Variants in ACADL observed in about 807,000 individuals in gnomAD.
The protein encoded by ACADL is acyl-CoA dehydrogenase long chain.
A neutral mutation model predicts 56.9 loss-of-function variants in ACADL; 60 were observed. That is an observed-to-expected ratio of 1.05 (90% CI 0.86 to 1.31). The LOEUF is 1.31. Ranked by LOEUF, ACADL falls within the 50% of genes most tolerant of loss-of-function variation. ACADL has a pLI of 0.00. For synonymous variants in ACADL, 158 were observed against 179.7 expected, an observed-to-expected ratio of 0.88 and a Z score of 0.97; for missense variants, 484 against 525.5, an observed-to-expected ratio of 0.92 and a Z score of 0.77.
chr2:210,203,399 T>A lies in ACADL; in HGVS notation c.916A>T (p.Met306Leu). 1 of 1,613,610 alleles carries A rather than the reference T, an allele frequency of 6.2e-7. No individual in the cohort carries two copies. The highest frequency in any genetic ancestry group is 1.3e-5 in the African/African-American group (1 of 75,048). Residue 306 changes from methionine to leucine, a missense_variant, in exon 8 of 11, where the codon ATG (methionine) becomes TTG (leucine). Met to Leu is a conservative substitution (Grantham distance 15, BLOSUM62 2). Transcript: ENST00000233710. The part of the protein sequence containing the change: ...ADVAISASEF[M>L]FEETRNYVKQ... ...ACATAGTTCCTGGTTTCTTCAAACA[T>A]GAATTCACTAGCTGAAATTGCCACA...
intron 4 of ACADL, among the ~76,000 whole-genome samples, chr2:210,212,262 G>A (rs1183650793): frequency 6.6e-6 from 1 of 152,076 alleles, no homozygotes; most frequent in Admixed American, 6.6e-5. Context: ...ATTAATTTAA[G>A]GATGTTGTGA....
At position 210,217,973 on chromosome 2, in the gene ACADL, C is replaced by A. The variant is rs71528507; in HGVS notation, c.363G>T (p.Trp121Cys). 2.5e-6 allele frequency: 4 copies of A among 1,613,862 alleles called. No homozygotes were observed. Among genetic ancestry groups the A allele is most frequent in the Non-Finnish European group, 3.4e-6 (4 of 1,179,976 alleles). Reference sequence around the variant, plus strand: ...AAAGTCTCCATACTTACTGCTCCTCCCAGACAATAGCTGCGGAGTACAGAT... The same window carrying A: ...AAAGTCTCCATACTTACTGCTCCTCACAGACAATAGCTGCGGAGTACAGAT... ...GGDLYSAAIV[W>C]EEQAYSNCSG... Residue 121 changes from tryptophan to cysteine, a missense_variant, in exon 3 of 11, where the codon TGG becomes TGT. Trp to Cys is a radical substitution (Grantham distance 215). Coordinates refer to ENST00000233710, the MANE Select transcript of ACADL (RefSeq NM_001608.4).
chr2:210,225,345 G>A lies in ACADL; in HGVS notation c.-82C>T. 1 of 1,455,348 alleles carries A rather than the reference G, an allele frequency of 6.9e-7. No homozygotes were observed. Among genetic ancestry groups the A allele is most frequent in the Admixed American group, 2.0e-5 (1 of 49,432 alleles). 90.2% of individuals were successfully genotyped at this position (1,455,348 alleles called of 1,614,324 possible). A position where few individuals can be genotyped will look rare whatever the true frequency, so the allele number is the denominator to read the frequency against. ...TCGGGGCAGGGTCCCCGGGAGGGAG[G>A]ACGATCAGCTGAGGCGTCCACCTGT... On this transcript the variant is annotated 5_prime_UTR_variant, in exon 1 of 11. Transcript: ENST00000233710.
intron 1 of ACADL, among the ~76,000 whole-genome samples, chr2:210,222,066 AT>A (rs540011112): frequency 5.9e-5 from 9 of 151,746 alleles, no homozygotes; most frequent in Non-Finnish European, 1.0e-4. Context: ...CCTAAGTATC[AT>A]TTTTTTTGTG....
intron 6 of ACADL, among the ~76,000 whole-genome samples, chr2:210,205,304 G>T (rs1193872220): frequency 6.6e-6 from 1 of 152,126 alleles, no homozygotes; most frequent in Non-Finnish European, 1.5e-5. Flanking sequence ...GGGATTACAG[G>T]TGTGAGCCAC....
intron 9 of ACADL, among the ~76,000 whole-genome samples, chr2:210,193,136 CAA>C (rs1688662628): frequency 6.6e-6 from 1 of 152,042 alleles, no homozygotes; most frequent in South Asian, 2.1e-4. Context: ...AGGCTAGAAA[CAA>C]AAGGTAGAAA....
At chr2:210,222,486 T>A (rs1689192109) in intron 1 of ACADL, among the ~76,000 whole-genome samples, 1 of 132,448 alleles carries the variant, frequency 7.6e-6, no homozygotes. Context: ...GTGAGCCTTG[T>A]CACTAAAAAC....
rs1046042054 is a variant in ACADL, at chr2:210,188,890, A to T, written c.*71T>A. 30 of 1,096,174 alleles carry T rather than the reference A, an allele frequency of 2.7e-5. No individual in the cohort carries two copies. The highest frequency in any genetic ancestry group is 8.4e-5 in the Admixed American group (5 of 59,204). 67.9% of individuals were successfully genotyped at this position (1,096,174 alleles called of 1,614,324 possible). ...ATGTTTAGTGTTTCCTCGCTTTCCA[A>T]GTTACATTTTATCTTGAGCAGATTT... On this transcript the variant is annotated 3_prime_UTR_variant, in exon 11 of 11. Transcript: ENST00000233710.
chr2:210,197,744 C>A (rs1466478982), intron 8 of ACADL, among the ~76,000 whole-genome samples: 1 of 152,168 alleles, frequency 6.6e-6, no homozygotes, highest in African/African-American at 2.4e-5. Context: ...AAGCCTGATT[C>A]TCTCATACAA....
At chr2:210,224,884 G>C (rs1689242174) in intron 1 of ACADL, 2 of 1,200,618 alleles carry the variant, frequency 1.7e-6, no homozygotes, top group Non-Finnish European at 2.1e-6. Context: ...CGCTGAACTA[G>C]ACGGGTTGGA....
At chr2:210,192,275 C>T (rs1332006343) in intron 10 of ACADL, among the ~76,000 whole-genome samples, 1 of 151,226 alleles carries the variant, frequency 6.6e-6, no homozygotes, top group Non-Finnish European at 1.5e-5. Context: ...TCACTTGAGG[C>T]CAGGGGTTTG....
At chr2:210,206,423 C>G (rs1183430492) in intron 5 of ACADL, among the ~76,000 whole-genome samples, 2 of 150,946 alleles carry the variant, frequency 1.3e-5, no homozygotes, top group African/African-American at 2.4e-5. Context: ...AGAGTGAGAC[C>G]CTGTCTCTAG....
At chr2:210,189,237 A>G (rs1465033287) in intron 10 of ACADL, among the ~76,000 whole-genome samples, 183 bp from the exon 11 acceptor site, 1 of 152,080 alleles carries the variant, frequency 6.6e-6, no homozygotes, top group Non-Finnish European at 1.5e-5. Context: ...AAAAACTATT[A>G]AGATGTTAAT....
Position 210,189,057 on chromosome 2 carries a change from G to A in ACADL, c.1200-3C>T, listed in dbSNP as rs1325246166. On this transcript the variant is annotated splice_polypyrimidine_tract_variant and splice_region_variant and intron_variant, in intron 10 of 10. Transcript: ENST00000233710. ...GAACTCTGGCATCCACATAAGCTCT[G>A]GATAAATCAGATGATTGAATGAATA... is the stretch of plus-strand genomic sequence containing the variant. 6.3e-7 allele frequency: 1 copy of A among 1,595,242 alleles called. No homozygotes were observed.
intron 8 of ACADL, among the ~76,000 whole-genome samples, chr2:210,195,869 T>C (rs1344189525): frequency 6.6e-6 from 1 of 152,186 alleles, no homozygotes; most frequent in Non-Finnish European, 1.5e-5. Flanking sequence ...CAGTATTTAA[T>C]CTAGATCTGT....
intron 8 of ACADL, among the ~76,000 whole-genome samples, chr2:210,202,193 A>G (rs559318097): frequency 3.9e-5 from 6 of 152,200 alleles, no homozygotes; most frequent in South Asian, 4.2e-4. Context: ...CCTGGGTTCA[A>G]GTGATTCTCC....
chr2:210,195,290 G>A lies in ACADL; in HGVS notation c.1033C>T (p.Arg345Ter), dbSNP rs199538133. 7 of 1,613,426 alleles carry A rather than the reference G, an allele frequency of 4.3e-6. No homozygotes were observed. The highest frequency in any genetic ancestry group is 1.3e-5 in the African/African-American group (1 of 74,852). ...AELKTHICVT[R>*]AFVDNCLQLH... Reference sequence around the variant, plus strand: ...TGGAGACAGTTGTCCACAAATGCTCGGGTTACACATATATGTGTTTTTAAT... The same window carrying A: ...TGGAGACAGTTGTCCACAAATGCTCAGGTTACACATATATGTGTTTTTAAT... The change falls in exon 9 of 11, where the codon CGA becomes TGA. Residue 345 changes from arginine (R) to a stop codon, truncating the protein, a stop_gained. Coordinates refer to ENST00000233710, the MANE Select transcript of ACADL (RefSeq NM_001608.4). LOFTEE classifies it high-confidence loss of function.
At chr2:210,208,362 C>A (rs1013763865) in intron 5 of ACADL, among the ~76,000 whole-genome samples, 4 of 152,152 alleles carry the variant, frequency 2.6e-5, no homozygotes, top group African/African-American at 9.7e-5. Flanking sequence ...AAATCTGAAC[C>A]ATTTCTACAA....
At chr2:210,200,154 A>G (rs1352940493) in intron 8 of ACADL, among the ~76,000 whole-genome samples, 2 of 60,272 alleles carry the variant, frequency 3.3e-5, no homozygotes, top group Non-Finnish European at 5.1e-5. Flanking sequence ...AATCAGAGTG[A>G]TATCAAGTGG....
Sources: allele counts gnomAD v4.1 joint callset (sites outside exome capture counted in the v4.1 genomes callset), GRCh38; gene constraint gnomAD v4.1.1; transcripts MANE v1.5; gene names NCBI Gene and HGNC (gene_info 2026-07-23, HGNC 2026-07-21).